DLC1: variants seen among roughly 807,000 people sequenced by gnomAD.
DLC1 encodes rho GTPase-activating protein 7.
In DLC1, 54 loss-of-function variants were observed where a neutral mutation model predicts 140.3. That is an observed-to-expected ratio of 0.38 (90% CI 0.31 to 0.48). The LOEUF is 0.48. DLC1 is among the 20% of genes least tolerant of loss of function. The pLI, the probability that DLC1 is intolerant of heterozygous loss-of-function variation, is 0.96. For synonymous variants in DLC1, 986 were observed against 728.1 expected, an observed-to-expected ratio of 1.35 and a Z score of -5.70; for missense variants, 2,536 against 1,907.0, an observed-to-expected ratio of 1.33 and a Z score of -6.14.
intron 4 of DLC1, among the ~76,000 whole-genome samples, chr8:13,376,177 T>C (rs1835975133): frequency 6.6e-6 from 1 of 152,184 alleles, no homozygotes; most frequent in Admixed American, 6.5e-5. Flanking sequence ...TGTCTGTGTA[T>C]TGGCTCCCAT....
chr8:13,447,796 G>GT lies in DLC1; in HGVS notation c.1024-46178dup, dbSNP rs972983481. Among the ~76,000 whole-genome samples, 17 of 151,876 alleles carry GT rather than the reference G, an allele frequency of 1.1e-4. No homozygotes were observed. In the South Asian group the frequency reaches 1.2e-3, roughly 11 times the overall value. On this transcript the variant is annotated intron_variant, in intron 2 of 17. Coordinates refer to ENST00000276297, the MANE Select transcript of DLC1 (RefSeq NM_182643.3). The stretch of plus-strand genomic sequence containing the variant: ...TTTATTTTTATTGTTTGTTCTTTGT[G>GT]TTTTTTTTCCTACCAGATTAGCTAA...
At chr8:13,472,462 G>A (rs145299382) in intron 2 of DLC1, among the ~76,000 whole-genome samples, 170 of 152,256 alleles carry the variant, frequency 1.1e-3, no homozygotes, top group African/African-American at 3.5e-3. Context: ...ATATTCTTGC[G>A]TAGAAATTCA....
At chr8:13,291,056 T>C (rs944749985) in intron 5 of DLC1, among the ~76,000 whole-genome samples, 5 of 152,168 alleles carry the variant, frequency 3.3e-5, no homozygotes, top group Non-Finnish European at 7.4e-5. Flanking sequence ...TACAAGTATG[T>C]GCCACCACGC....
At chr8:13,133,207 G>C in intron 5 of DLC1, 1 of 1,422,464 alleles carries the variant, frequency 7.0e-7, no homozygotes, top group African/African-American at 1.5e-5. Flanking sequence ...AGAAGTCCGT[G>C]AGCCGGCGCT....
chr8:13,465,989 C>T (rs939584256), intron 2 of DLC1, among the ~76,000 whole-genome samples: 2 of 152,152 alleles, frequency 1.3e-5, no homozygotes, highest in East Asian at 1.9e-4. Context: ...GATTATACAA[C>T]CACCTCCTGG....
At chr8:13,344,496 A>AAAAAC (rs1204279369) in intron 4 of DLC1, among the ~76,000 whole-genome samples, 2 of 152,224 alleles carry the variant, frequency 1.3e-5, no homozygotes, top group Non-Finnish European at 2.9e-5. Flanking sequence ...TCCATCTCAA[A>AAAAAC]AAAACAAAAC....
At chr8:13,543,151 A>G (rs190168060) in intron 1 of DLC1, among the ~76,000 whole-genome samples, 1 of 152,174 alleles carries the variant, frequency 6.6e-6, no homozygotes, top group South Asian at 2.1e-4. Flanking sequence ...TATTTAGCAA[A>G]TATTTATTTT....
chr8:13,588,266 G>T (rs1432517736), intron 1 of DLC1, among the ~76,000 whole-genome samples: 1 of 152,096 alleles, frequency 6.6e-6, no homozygotes, highest in Non-Finnish European at 1.5e-5. Flanking sequence ...GAGAGAAAAT[G>T]GTAGGAAGCA....
At chr8:13,264,019 A>G (rs1830576965) in intron 5 of DLC1, among the ~76,000 whole-genome samples, 1 of 151,428 alleles carries the variant, frequency 6.6e-6, no homozygotes. Flanking sequence ...AAATTAGGGC[A>G]TATTTGTATG....
chr8:13,334,767 G>C (rs928538467), intron 4 of DLC1, among the ~76,000 whole-genome samples: 1 of 152,162 alleles, frequency 6.6e-6, no homozygotes. Context: ...CAGTTGTCCT[G>C]GTTTTGTCAT....
chr8:13,191,338 C>G (rs1194106185), intron 5 of DLC1, among the ~76,000 whole-genome samples: 1 of 152,126 alleles, frequency 6.6e-6, no homozygotes, highest in African/African-American at 2.4e-5. Flanking sequence ...GAAACTCCGT[C>G]TCTACTAAAA....
At chr8:13,363,323 G>C (rs1275536835) in intron 4 of DLC1, among the ~76,000 whole-genome samples, 1 of 141,020 alleles carries the variant, frequency 7.1e-6, no homozygotes, top group Non-Finnish European at 1.6e-5. Flanking sequence ...GCATATTGTG[G>C]AGACTTAGTA....
intron 2 of DLC1, among the ~76,000 whole-genome samples, chr8:13,475,381 G>C (rs966127884): frequency 6.6e-6 from 1 of 152,124 alleles, no homozygotes; most frequent in Non-Finnish European, 1.5e-5. Context: ...TTAATCTTCT[G>C]ATTTTGAGGG....
chr8:13,429,485 A>T (rs1382213018), intron 2 of DLC1, among the ~76,000 whole-genome samples: 2 of 152,206 alleles, frequency 1.3e-5, no homozygotes, highest in Middle Eastern at 3.2e-3. Context: ...AGTCGTTGAA[A>T]ACCACGGATA....
chr8:13,387,715 G>A (rs1836583610), intron 4 of DLC1, among the ~76,000 whole-genome samples: 1 of 152,024 alleles, frequency 6.6e-6, no homozygotes, highest in Non-Finnish European at 1.5e-5. Flanking sequence ...ACATTTTATA[G>A]TTTCATAGAA....
intron 1 of DLC1, among the ~76,000 whole-genome samples, chr8:13,602,162 G>C (rs113473819): frequency 6.6e-6 from 1 of 151,764 alleles, no homozygotes; most frequent in African/African-American, 2.4e-5. Context: ...CAATACCATG[G>C]TATTGCAATC....
At chr8:13,203,262 C>T (rs1019709840) in intron 5 of DLC1, among the ~76,000 whole-genome samples, 2 of 152,028 alleles carry the variant, frequency 1.3e-5, no homozygotes, top group Non-Finnish European at 2.9e-5. Context: ...CATTAAGTGT[C>T]GATAATTACC....
rs1044011 is a variant in DLC1 at position 13,084,200 on chromosome 8, C to A, written c.*1611G>T. ...TTAATAGAATGGTATATACAACATA[C>A]AATCTTACAAATCTGGAAGCCATCA... On this transcript the variant is annotated 3_prime_UTR_variant, in exon 18 of 18. Coordinates refer to ENST00000276297, the MANE Select transcript of DLC1 (RefSeq NM_182643.3). The A allele has an allele frequency of 0.29, 44,470 of 152,382 alleles. 7,710 individuals carry two copies. Among genetic ancestry groups the A allele is most frequent in the East Asian group, 0.56 (2,906 of 5,154 alleles). 9.4% of individuals were successfully genotyped at this position (152,382 alleles called of 1,614,324 possible). A position where few individuals can be genotyped will look rare whatever the true frequency, so the allele number is the denominator to read the frequency against.
chr8:13,143,212 GC>G (rs1585756077), intron 5 of DLC1, among the ~76,000 whole-genome samples: 1 of 152,192 alleles, frequency 6.6e-6, no homozygotes, highest in East Asian at 1.9e-4. Flanking sequence ...AAAAACAAAA[GC>G]ACTGACCATA....
Sources: gnomAD v4.1 joint callset for allele counts (sites outside exome capture counted in the v4.1 genomes callset) on GRCh38, gnomAD v4.1.1 for gene constraint, MANE v1.5 for transcripts, NCBI Gene and HGNC (gene_info 2026-07-23, HGNC 2026-07-21) for gene names.